The following THSD7A variants were observed in gnomAD, a reference collection of about 807,000 sequenced individuals.
The protein encoded by THSD7A is thrombospondin type-1 domain-containing protein 7A.
THSD7A carries 96 observed loss-of-function variants against 231.3 expected under a neutral mutation model. The observed-to-expected ratio is 0.41, with a 90% CI of 0.35 to 0.49. THSD7A has a LOEUF of 0.49. Ranked by LOEUF, THSD7A falls within the 20% of genes least tolerant of loss-of-function variation. THSD7A has a pLI of 0.05. For synonymous variants in THSD7A, 940 were observed against 743.3 expected, an observed-to-expected ratio of 1.26 and a Z score of -4.30; for missense variants, 2,290 against 2,070.2, an observed-to-expected ratio of 1.11 and a Z score of -2.06.
chr7:11,767,475 T>A (rs79168484), intron 1 of THSD7A, among the ~76,000 whole-genome samples: 3,779 of 152,310 alleles, frequency 0.025, 164 homozygotes, highest in African/African-American at 0.087. Context: ...ATTAATTCTT[T>A]ACTTAAATAC....
chr7:11,407,071 A>C lies in THSD7A; in HGVS notation c.3917-16T>G. On this transcript the variant is annotated splice_polypyrimidine_tract_variant and intron_variant, in intron 20 of 27. Transcript: ENST00000423059. ...ATCATTTTTCCTTGAAGAGATACAA[A>C]GTGATGCACCTTTAATATATGTTAT... The C allele has an allele frequency of 6.2e-7, 1 of 1,613,184 alleles. No homozygotes were observed. The highest frequency in any genetic ancestry group is 8.5e-7 in the Non-Finnish European group (1 of 1,179,600).
At chr7:11,664,953 G>A (rs558751107) in intron 1 of THSD7A, among the ~76,000 whole-genome samples, 6 of 151,984 alleles carry the variant, frequency 3.9e-5, no homozygotes, top group Non-Finnish European at 7.4e-5. Context: ...AAGGGAAAGG[G>A]TGGCTTAGGT....
chr7:11,373,822 A>ATGT lies in THSD7A; in HGVS notation c.*1969_*1971dup, dbSNP rs1167673068. 6.6e-6 allele frequency: 1 copy of ATGT among 152,090 alleles called. No individual in the cohort carries two copies. Among genetic ancestry groups the ATGT allele is most frequent in the Non-Finnish European group, 1.5e-5 (1 of 67,994 alleles). 9.4% of individuals were successfully genotyped at this position (152,090 alleles called of 1,614,324 possible). A position where few individuals can be genotyped will look rare whatever the true frequency, so the allele number is the denominator to read the frequency against. On this transcript the variant is annotated 3_prime_UTR_variant, in exon 28 of 28. Coordinates refer to ENST00000423059, the MANE Select transcript of THSD7A (RefSeq NM_015204.3). ...ACACAGCTGTTTAAGATAAAATAGC[A>ATGT]TGTTAGTTATATTATTTTTCAAATA...
At chr7:11,386,996 G>A (rs545886558) in intron 23 of THSD7A, among the ~76,000 whole-genome samples, 208 of 152,290 alleles carry the variant, frequency 1.4e-3, no homozygotes, top group African/African-American at 4.7e-3. Flanking sequence ...GTTTTTGTCA[G>A]GTTTGTCAAA....
chr7:11,446,721 G>T lies in THSD7A; in HGVS notation c.2801-397C>A, dbSNP rs1166710187. ...ATATTTTTAGGTTGCTTTTGCCATT[G>T]GCAATATTTCAAATGCACCAAGCTT... On this transcript the variant is annotated intron_variant, in intron 12 of 27. Coordinates refer to ENST00000423059, the MANE Select transcript of THSD7A (RefSeq NM_015204.3). The surrounding 1 kb of genome is among the most constrained non-coding windows in gnomAD (Gnocchi z 4.0). 2.0e-5 allele frequency among the ~76,000 whole-genome samples: 3 copies of T among 151,994 alleles called. No homozygotes were observed. The highest frequency in any genetic ancestry group is 4.4e-5 in the Non-Finnish European group (3 of 67,986).
intron 6 of THSD7A, among the ~76,000 whole-genome samples, chr7:11,515,013 G>A (rs1198782594): frequency 2.0e-5 from 3 of 152,194 alleles, no homozygotes; most frequent in South Asian, 4.1e-4. Context: ...ATTTGAATCC[G>A]TCTTCTTTTG....
At chr7:11,384,925 A>T (rs1181736453) in intron 23 of THSD7A, 1 of 152,016 alleles carries the variant, frequency 6.6e-6, no homozygotes, top group Non-Finnish European at 1.5e-5. Context: ...TATAAAATTT[A>T]CATGTTATAA....
intron 1 of THSD7A, among the ~76,000 whole-genome samples, chr7:11,672,241 TTTG>T (rs902093647): frequency 2.0e-5 from 3 of 152,144 alleles, no homozygotes; most frequent in Non-Finnish European, 4.4e-5. Flanking sequence ...TATAAGATTT[TTTG>T]TTGTTGTTGC....
At chr7:11,548,798 A>T (rs1297946979) in intron 4 of THSD7A, among the ~76,000 whole-genome samples, 1 of 151,982 alleles carries the variant, frequency 6.6e-6, no homozygotes, top group African/African-American at 2.4e-5. Flanking sequence ...TTGACTCAGC[A>T]TCACTTCATG....
Position 11,634,674 on chromosome 7 carries a change from T to C in THSD7A, c.1022+1456A>G, listed in dbSNP as rs1342164716. 6.6e-6 allele frequency among the ~76,000 whole-genome samples: 1 copy of C among 151,956 alleles called. No individual in the cohort carries two copies. Among genetic ancestry groups the C allele is most frequent in the Non-Finnish European group, 1.5e-5 (1 of 67,990 alleles). On this transcript the variant is annotated intron_variant, in intron 2 of 27. Coordinates refer to ENST00000423059, the MANE Select transcript of THSD7A (RefSeq NM_015204.3). The surrounding 1 kb of genome is among the most constrained non-coding windows in gnomAD (Gnocchi z 4.1). ...GAGAATGAAGGCAGAACAACAGCCT[T>C]CATTCAAGGCCACAGGACCAGAACT...
chr7:11,592,842 T>A (rs1262176370), intron 3 of THSD7A, among the ~76,000 whole-genome samples: 1 of 152,170 alleles, frequency 6.6e-6, no homozygotes, highest in Admixed American at 6.5e-5. Context: ...TGGCCCAAGA[T>A]CATATCAACC....
At position 11,681,458 on chromosome 7, in the gene THSD7A, T is replaced by C. The variant is rs563585070; in HGVS notation, c.191-44497A>G. Among the ~76,000 whole-genome samples, 4 of 152,080 alleles carry C rather than the reference T, an allele frequency of 2.6e-5. No homozygotes were observed. The East Asian group carries it at 7.8e-4, about 30-fold the overall frequency. On this transcript the variant is annotated intron_variant, in intron 1 of 27. Transcript: ENST00000423059. ...AAAATTTACTGTGGAGCTTTCAGAA[T>C]ACAGCTGGAAGCCCCAATAATAAAT...
intron 11 of THSD7A, among the ~76,000 whole-genome samples, chr7:11,459,665 ATTTTTTTTTTTTTTTTTTTTTTTT>A (rs34415355): frequency 2.5e-5 from 1 of 39,894 alleles, no homozygotes; most frequent in Non-Finnish European, 5.9e-5. Context: ...AAAACAGGGG[ATTTTTTTTTTTTTTTTTTTTTTTT>A]TTTTTTTTTT....
In THSD7A at chr7:11,670,813, A is replaced by G. The variant is rs527476833; in HGVS notation, c.191-33852T>C. On this transcript the variant is annotated intron_variant, in intron 1 of 27. Transcript: ENST00000423059. Reference sequence around the variant, plus strand: ...CAGAGTAAATTAATCTAATAAAAAAACAGGGTTCAATACTGAAATTATCCC... The same window carrying G: ...CAGAGTAAATTAATCTAATAAAAAAGCAGGGTTCAATACTGAAATTATCCC... 2.0e-4 allele frequency among the ~76,000 whole-genome samples: 30 copies of G among 152,294 alleles called. No homozygotes were observed. In the East Asian group the frequency reaches 5.8e-3, roughly 29 times the overall value.
At chr7:11,531,742 G>A (rs1218640336) in intron 6 of THSD7A, among the ~76,000 whole-genome samples, 1 of 152,212 alleles carries the variant, frequency 6.6e-6, no homozygotes, top group Non-Finnish European at 1.5e-5. Flanking sequence ...TGATGAGTTT[G>A]ACTTTGGTAC....
At chr7:11,380,636 A>AAC (rs1265908396) in intron 24 of THSD7A, among the ~76,000 whole-genome samples, 4 of 152,102 alleles carry the variant, frequency 2.6e-5, no homozygotes, top group African/African-American at 7.2e-5. Context: ...GTTATTATTA[A>AAC]ACACACACAC....
intron 1 of THSD7A, among the ~76,000 whole-genome samples, chr7:11,749,447 A>G (rs1782426501): frequency 6.6e-6 from 1 of 151,976 alleles, no homozygotes; most frequent in African/African-American, 2.4e-5. Context: ...GCACAGAGCT[A>G]TTTGTAGATG....
chr7:11,394,801 G>A (rs1583662635), intron 23 of THSD7A, among the ~76,000 whole-genome samples: 1 of 152,112 alleles, frequency 6.6e-6, no homozygotes, highest in East Asian at 1.9e-4. Context: ...CATACCTGTG[G>A]CCGAGTACTC....
chr7:11,627,621 C>G (rs1172347357), intron 2 of THSD7A, among the ~76,000 whole-genome samples: 1 of 151,900 alleles, frequency 6.6e-6, no homozygotes, highest in Non-Finnish European at 1.5e-5. Flanking sequence ...GTGAACAGAT[C>G]AGAATGGGAG....
Sources: allele counts gnomAD v4.1 joint callset (sites outside exome capture counted in the v4.1 genomes callset), GRCh38; gene constraint gnomAD v4.1.1; non-coding constraint Gnocchi (gnomAD v3.1); transcripts MANE v1.5; gene names NCBI Gene and HGNC (gene_info 2026-07-23, HGNC 2026-07-21).